SUGCT: variants seen among roughly 807,000 people sequenced by gnomAD.
SUGCT encodes the protein succinyl-CoA:glutarate CoA-transferase.
Under a neutral mutation model 55.0 loss-of-function variants are expected in SUGCT, and 41 were observed. The observed-to-expected ratio is 0.74, with a 90% CI of 0.58 to 0.97. The LOEUF (loss-of-function observed/expected upper bound fraction) is 0.97, where lower values mean the gene tolerates loss of function less well. SUGCT is among the 50% of genes least tolerant of loss of function. The probability of loss-of-function intolerance (pLI) is 0.00; values close to 1 mark genes in which losing one functional copy is unlikely to be tolerated. For synonymous variants in SUGCT, 187 were observed against 200.4 expected, an observed-to-expected ratio of 0.93 and a Z score of 0.56; for missense variants, 568 against 547.8, an observed-to-expected ratio of 1.04 and a Z score of -0.37.
At chr7:40,952,676 T>G in the SUGCT span, among the ~76,000 whole-genome samples, 1 of 152,206 alleles carries the variant, frequency 6.6e-6, no homozygotes, top group Non-Finnish European at 1.5e-5. Flanking sequence ...CAGTGTTTGC[T>G]TGTCCGTAAA....
intron 12 of SUGCT, among the ~76,000 whole-genome samples, chr7:40,660,934 C>T (rs886732121): frequency 4.6e-5 from 7 of 152,178 alleles, no homozygotes; most frequent in Admixed American, 3.9e-4. Context: ...CCTGTCCCTT[C>T]ATTGTACATG....
chr7:40,135,495 T>C (rs1030074962), intron 1 of SUGCT, among the ~76,000 whole-genome samples: 6 of 152,262 alleles, frequency 3.9e-5, no homozygotes, highest in African/African-American at 9.6e-5. Context: ...TTTGAATAAC[T>C]TGACACTTCA....
intron 12 of SUGCT, among the ~76,000 whole-genome samples, chr7:40,610,055 T>A (rs956127472): frequency 1.3e-5 from 2 of 152,182 alleles, no homozygotes; most frequent in African/African-American, 4.8e-5. Flanking sequence ...ATAACAATTA[T>A]TTCTTTTGGT....
At chr7:40,652,984 C>T (rs184184755) in intron 12 of SUGCT, among the ~76,000 whole-genome samples, 9 of 152,302 alleles carry the variant, frequency 5.9e-5, no homozygotes, top group African/African-American at 2.2e-4. Context: ...TTTTCCCTTA[C>T]CTATTATATC....
chr7:40,495,972 C>T (rs183776834), intron 11 of SUGCT, among the ~76,000 whole-genome samples: 449 of 152,246 alleles, frequency 2.9e-3, no homozygotes, highest in Non-Finnish European at 4.3e-3. Flanking sequence ...AATGACTTCA[C>T]GCTCAAAGTA....
chr7:40,217,510 C>T (rs926721220), intron 6 of SUGCT: 35 of 408,014 alleles, frequency 8.6e-5, no homozygotes, highest in African/African-American at 6.8e-4. Flanking sequence ...CCGCGCCTGG[C>T]CAACTTCCTG....
At chr7:40,988,815 T>C in the SUGCT span, among the ~76,000 whole-genome samples, 1 of 152,146 alleles carries the variant, frequency 6.6e-6, no homozygotes, top group African/African-American at 2.4e-5. Flanking sequence ...AATTCCTGTT[T>C]TGTGACTTGA....
At chr7:40,194,854 G>A in intron 5 of SUGCT, 86 bp from the exon 6 acceptor site, 2 of 1,448,646 alleles carry the variant, frequency 1.4e-6, no homozygotes, top group Non-Finnish European at 1.8e-6. Flanking sequence ...CTATTACAAA[G>A]GGAGAATCAA....
intron 12 of SUGCT, among the ~76,000 whole-genome samples, chr7:40,508,648 C>A (rs1792746051): frequency 6.6e-6 from 1 of 152,050 alleles, no homozygotes; most frequent in Admixed American, 6.6e-5. Flanking sequence ...AGTTGATTCT[C>A]TTGAATGAAT....
At chr7:40,685,746 C>T (rs1295335481) in intron 12 of SUGCT, among the ~76,000 whole-genome samples, 1 of 152,058 alleles carries the variant, frequency 6.6e-6, no homozygotes. Flanking sequence ...CTCATTTACA[C>T]ATAAGTTTTA....
At chr7:40,544,028 G>T (rs1794849045) in intron 12 of SUGCT, among the ~76,000 whole-genome samples, 1 of 152,014 alleles carries the variant, frequency 6.6e-6, no homozygotes, top group South Asian at 2.1e-4. Context: ...CTCTAGTTTG[G>T]AGTAATGTAA....
At chr7:40,192,462 T>C (rs1785970526) in intron 5 of SUGCT, among the ~76,000 whole-genome samples, 1 of 152,200 alleles carries the variant, frequency 6.6e-6, no homozygotes, top group Non-Finnish European at 1.5e-5. Flanking sequence ...GCATGTGTTA[T>C]GGTCAGCAGA....
chr7:40,874,715 T>A, the SUGCT span, among the ~76,000 whole-genome samples: 1 of 152,184 alleles, frequency 6.6e-6, no homozygotes, highest in Non-Finnish European at 1.5e-5. Flanking sequence ...CAACTGGGAA[T>A]CCTAAGAGTT....
intron 11 of SUGCT, among the ~76,000 whole-genome samples, chr7:40,490,229 T>C (rs1791607486): frequency 6.6e-6 from 1 of 152,192 alleles, no homozygotes; most frequent in South Asian, 2.1e-4. Flanking sequence ...CATAATGTTT[T>C]TGGCTAGTTT....
intron 8 of SUGCT, among the ~76,000 whole-genome samples, chr7:40,276,255 G>A (rs1324322449): frequency 6.6e-6 from 1 of 152,176 alleles, no homozygotes; most frequent in Non-Finnish European, 1.5e-5. Flanking sequence ...AACTACAGAT[G>A]TTAGTTATGG....
intron 12 of SUGCT, among the ~76,000 whole-genome samples, chr7:40,646,595 G>A (rs544034952): frequency 2.0e-5 from 3 of 152,066 alleles, no homozygotes; most frequent in Admixed American, 6.5e-5. Context: ...GGACCTTCAC[G>A]CAGCAGAATT....
rs1005988927 is a variant in SUGCT at position 40,623,376 on chromosome 7, A to C, written c.1090-126058A>C. 2.0e-5 allele frequency among the ~76,000 whole-genome samples: 3 copies of C among 152,338 alleles called. No homozygotes were observed. The South Asian group carries it at 6.2e-4, about 32-fold the overall frequency. On this transcript the variant is annotated intron_variant, in intron 12 of 13. Coordinates refer to ENST00000335693, the MANE Select transcript of SUGCT (RefSeq NM_001193313.2). ...TAAATTACCCAGACTGCTTTGGAAC[A>C]GGGAATTGTGCAGAACTGGACTCTG... is the stretch of plus-strand genomic sequence containing the variant.
chr7:40,666,476 G>A lies in SUGCT; in HGVS notation c.1090-82958G>A, dbSNP rs1404868323. Among the ~76,000 whole-genome samples the A allele has an allele frequency of 5.6e-5, 3 of 53,728 alleles. No homozygotes were observed. In the Admixed American group the frequency reaches 7.4e-4, roughly 13 times the overall value. The allele number at this position is 53,728 out of a possible 152,430, so 35.2% of individuals were successfully genotyped here. On this transcript the variant is annotated intron_variant, in intron 12 of 13. Coordinates refer to ENST00000335693, the MANE Select transcript of SUGCT (RefSeq NM_001193313.2). The stretch of plus-strand genomic sequence containing the variant: ...TGGACAGGATATTTAGGGATTTTCT[G>A]CTTCATGTTTTCCATTTTTCCCAGG...
At chr7:40,359,564 A>G (rs1355386282) in intron 9 of SUGCT, among the ~76,000 whole-genome samples, 2 of 152,144 alleles carry the variant, frequency 1.3e-5, no homozygotes, top group African/African-American at 2.4e-5. Flanking sequence ...TACAAGTTTC[A>G]TGGTAACTCT....
Sources: gnomAD v4.1 joint callset for allele counts (sites outside exome capture counted in the v4.1 genomes callset) on GRCh38, gnomAD v4.1.1 for gene constraint, MANE v1.5 for transcripts, NCBI Gene and HGNC (gene_info 2026-07-23, HGNC 2026-07-21) for gene names.